Variants in SCN10A observed in about 807,000 individuals in gnomAD.
SCN10A encodes sodium voltage-gated channel alpha subunit 10.
Under a neutral mutation model 170.7 loss-of-function variants are expected in SCN10A, and 162 were observed. The ratio of observed to expected loss-of-function variants is 0.95; its 90% confidence interval spans 0.84 to 1.08. SCN10A has a LOEUF of 1.08. Among genes scored for constraint, SCN10A ranks in the 50% least tolerant of loss-of-function variants. The pLI is 0.00. For missense variants in SCN10A, 2,527 were observed against 2,436.9 expected, an observed-to-expected ratio of 1.04 and a Z score of -0.78; for synonymous variants, 985 against 904.6, an observed-to-expected ratio of 1.09 and a Z score of -1.59.
chr3:38,725,131 T>C, intron 18 of SCN10A, 43 bp downstream of exon 18: 1 of 1,528,242 alleles, frequency 6.5e-7, no homozygotes, highest in Non-Finnish European at 8.9e-7. Context: ...CTGCTCAGTG[T>C]CTGGCTGGCT....
chr3:38,757,878 CCT>C (rs1205540083), intron 8 of SCN10A, among the ~76,000 whole-genome samples: 1 of 152,128 alleles, frequency 6.6e-6, no homozygotes, highest in African/African-American at 2.4e-5. Flanking sequence ...TGAACTCCTT[CCT>C]CTCTCTCATA....
chr3:38,794,134 C>T, intron 1 of SCN10A, 92 bp from the exon 2 acceptor site: 1 of 878,454 alleles, frequency 1.1e-6, no homozygotes. Flanking sequence ...CAGAACAGCC[C>T]TTCTCCCACC....
chr3:38,731,701 A>T (rs938102184), intron 15 of SCN10A, among the ~76,000 whole-genome samples: 2 of 152,180 alleles, frequency 1.3e-5, no homozygotes, highest in Non-Finnish European at 2.9e-5. Context: ...TCATGGACTG[A>T]ATTTCCACTT....
rs141808591 is a variant in SCN10A at position 38,788,678 on chromosome 3, C to T, written c.470+278G>A. On this transcript the variant is annotated intron_variant, in intron 4 of 27. Coordinates refer to ENST00000449082, the MANE Select transcript of SCN10A (RefSeq NM_006514.4). ...CCAGGCCACCTTAGACTTTCTGGGG[C>T]TGGGACTCAGGCATTTAAAAAATCT... Among the ~76,000 whole-genome samples the T allele has an allele frequency of 9.0e-4, 137 of 152,166 alleles. 1 individual carries two copies. The East Asian group carries it at 0.024, about 26-fold the overall frequency.
chr3:38,785,578 G>A (rs189475537), intron 4 of SCN10A, among the ~76,000 whole-genome samples: 5 of 151,972 alleles, frequency 3.3e-5, no homozygotes, highest in African/African-American at 1.2e-4. Context: ...ATGGGCAAAG[G>A]CTTTATGACT....
At chr3:38,793,007 T>C (rs144397305) in intron 2 of SCN10A, among the ~76,000 whole-genome samples, 1 of 151,920 alleles carries the variant, frequency 6.6e-6, no homozygotes, top group African/African-American at 2.4e-5. Flanking sequence ...AGCTACATGG[T>C]CTAGTTGTAT....
In SCN10A at chr3:38,697,674, T is replaced by G; in HGVS notation, c.5546A>C (p.Lys1849Thr). The change falls in exon 28 of 28, where the codon AAG (lysine) becomes ACG (threonine). Residue 1849 changes from lysine (K) to threonine (T), a missense_variant. Physicochemically the swap from Lys to Thr is moderately conservative, Grantham distance 78. Transcript: ENST00000449082. ...YEPIATTLRW[K>T]QEDISATVIQ... ...GACAGTGGCTGAAATGTCTTCTTGC[T>G]TCCATCGGAGAGTGGTTGCTATTGG... The G allele has an allele frequency of 6.2e-7, 1 of 1,614,206 alleles. No individual in the cohort carries two copies. The highest frequency in any genetic ancestry group is 2.2e-5 in the East Asian group (1 of 44,876).
intron 10 of SCN10A, 83 bp downstream of exon 10, chr3:38,756,591 C>A (rs1224854236): frequency 2.7e-6 from 3 of 1,121,986 alleles, no homozygotes; most frequent in Non-Finnish European, 4.0e-6. Context: ...AAACGGTGCC[C>A]TAATTGAAGT....
chr3:38,755,097 G>T (rs945350514), intron 11 of SCN10A, among the ~76,000 whole-genome samples: 2 of 152,066 alleles, frequency 1.3e-5, no homozygotes, highest in African/African-American at 4.8e-5. Flanking sequence ...GAGGTGAGGT[G>T]CTGAAGCCAT....
intron 4 of SCN10A, among the ~76,000 whole-genome samples, chr3:38,771,715 T>A (rs2064002776): frequency 6.6e-6 from 1 of 152,222 alleles, no homozygotes; most frequent in South Asian, 2.1e-4. Context: ...CTCCTGTTTA[T>A]GTCTGCCAGG....
intron 14 of SCN10A, 68 bp from the exon 15 acceptor site, chr3:38,739,756 G>T: frequency 8.1e-7 from 1 of 1,232,706 alleles, no homozygotes; most frequent in Non-Finnish European, 1.2e-6. Flanking sequence ...AAAAATGGCA[G>T]CAAGAAAATG....
intron 12 of SCN10A, among the ~76,000 whole-genome samples, chr3:38,751,004 C>G (rs536846404): frequency 6.6e-6 from 1 of 152,218 alleles, no homozygotes; most frequent in Admixed American, 6.5e-5. Flanking sequence ...TCTCCACTGT[C>G]TCTGTTCCTG....
chr3:38,789,495 T>C (rs796952236), intron 3 of SCN10A, among the ~76,000 whole-genome samples: 1 of 152,230 alleles, frequency 6.6e-6, no homozygotes, highest in African/African-American at 2.4e-5. Flanking sequence ...TTTTTTATTC[T>C]AAAAGACAAA....
At position 38,707,260 on chromosome 3, in the gene SCN10A, G is replaced by A. The variant is rs1403541325; in HGVS notation, c.4386+19C>T. 1 of 1,612,624 alleles carries A rather than the reference G, an allele frequency of 6.2e-7. No individual in the cohort carries two copies. The highest frequency in any genetic ancestry group is 1.7e-5 in the Admixed American group (1 of 60,008). The stretch of plus-strand genomic sequence containing the variant: ...GGATTCACAGACAGGCTGTGCTAGA[G>A]GAAACCTCTGGGGCTCACCAGGGGC... On this transcript the variant is annotated intron_variant, in intron 26 of 27. Coordinates refer to ENST00000449082, the MANE Select transcript of SCN10A (RefSeq NM_006514.4).
intron 6 of SCN10A, among the ~76,000 whole-genome samples, chr3:38,762,903 C>T (rs928499753): frequency 2.0e-5 from 3 of 152,148 alleles, no homozygotes; most frequent in Non-Finnish European, 2.9e-5. Flanking sequence ...TTTGCCTTGT[C>T]TCTGGCCTCC....
chr3:38,740,825 A>G (rs1012587964), intron 14 of SCN10A, among the ~76,000 whole-genome samples: 2 of 152,176 alleles, frequency 1.3e-5, no homozygotes, highest in African/African-American at 4.8e-5. Context: ...ACTGTGGGAA[A>G]GGCCTTTTCT....
Position 38,697,633 on chromosome 3 carries a change from G to A in SCN10A, c.5587C>T (p.Arg1863Trp), listed in dbSNP as rs370779258. Reference sequence around the variant, plus strand: ...ATGGAGCGGTGCAGCACATAGCTCCGATAGGCCTTTTGAATGACAGTGGCT... The same window carrying A: ...ATGGAGCGGTGCAGCACATAGCTCCAATAGGCCTTTTGAATGACAGTGGCT... ...ISATVIQKAY[R>W]SYVLHRSMAL... Residue 1863 changes from arginine to tryptophan, a missense_variant, in exon 28 of 28, where the codon CGG (arginine) becomes TGG (tryptophan). Transcript: ENST00000449082. The A allele has an allele frequency of 9.3e-6, 15 of 1,614,052 alleles. No individual in the cohort carries two copies. Among genetic ancestry groups the A allele is most frequent in the South Asian group, 2.2e-5 (2 of 91,084 alleles).
At chr3:38,724,847 T>C (rs9825762) in intron 18 of SCN10A, among the ~76,000 whole-genome samples, 33,354 of 152,088 alleles carry the variant, frequency 0.22, 3,914 homozygotes, top group African/African-American at 0.29. Context: ...GGCATTACCA[T>C]TCAGTTTCAT....
intron 3 of SCN10A, among the ~76,000 whole-genome samples, chr3:38,789,574 T>C (rs536556466): frequency 6.6e-6 from 1 of 152,218 alleles, no homozygotes; most frequent in East Asian, 1.9e-4. Context: ...CATCAGATTG[T>C]TTGGGTAACT....
Sources: gnomAD v4.1 joint callset for allele counts (sites outside exome capture counted in the v4.1 genomes callset) on GRCh38, gnomAD v4.1.1 for gene constraint, MANE v1.5 for transcripts, NCBI Gene and HGNC (gene_info 2026-07-23, HGNC 2026-07-21) for gene names.